The following SNU13 variants were observed in gnomAD, a reference collection of about 807,000 sequenced individuals.
SNU13 encodes the protein NHP2-like protein 1.
Under a neutral mutation model 12.4 loss-of-function variants are expected in SNU13, and 2 were observed. The ratio of observed to expected loss-of-function variants is 0.16; its 90% CI spans 0.07 to 0.51. The LOEUF (loss-of-function observed/expected upper bound fraction) is 0.51. Among genes scored for constraint, SNU13 ranks in the 20% least tolerant of loss-of-function variants. The probability of loss-of-function intolerance (pLI) is 0.96; values close to 1 mark genes in which losing one functional copy is unlikely to be tolerated. For missense variants in SNU13, 66 were observed against 157.8 expected, an observed-to-expected ratio of 0.42 and a Z score of 3.12; for synonymous variants, 68 against 66.5, an observed-to-expected ratio of 1.02 and a Z score of -0.11.
chr22:41,688,489 G>A (rs2068330608), intron 1 of SNU13, among the ~76,000 whole-genome samples: 1 of 152,160 alleles, frequency 6.6e-6, no homozygotes, highest in Non-Finnish European at 1.5e-5. Context: ...TCTCCCACGT[G>A]GGTTGGTCTC....
At chr22:41,676,908 C>A (rs1807497) in intron 2 of SNU13, among the ~76,000 whole-genome samples, 121,849 of 151,964 alleles carry the variant, frequency 0.8, 49,845 homozygotes, top group East Asian at 0.92. Context: ...ATCAGTCTCC[C>A]TTTTCATGTC....
At chr22:41,688,972 G>T, upstream of SNU13, 1 of 1,351,992 alleles carries the variant, frequency 7.4e-7, no homozygotes. Flanking sequence ...CACTGGCGCG[G>T]AAACTGGCCC....
Position 41,674,945 on chromosome 22 carries a change from C to G in SNU13, c.375G>C (p.Arg125Ser). 1 of 1,613,552 alleles carries G rather than the reference C, an allele frequency of 6.2e-7. No individual in the cohort carries two copies. The highest frequency in any genetic ancestry group is 8.5e-7 in the Non-Finnish European group (1 of 1,179,824). ...AGAGGCCACAGGTTTAGACTAAGAG[C>G]CTTTCAATGGACTGCTGAATGGATT... ...QIQSIQQSIE[R>S]LLV The change falls in exon 3 of 3, where the codon AGG becomes AGC. Residue 125 changes from arginine to serine, a missense_variant. By Grantham distance (110) the Arg-to-Ser change is moderately radical (BLOSUM62 -1). Coordinates refer to ENST00000401959, the MANE Select transcript of SNU13 (RefSeq NM_001003796.2).
intron 2 of SNU13, among the ~76,000 whole-genome samples, chr22:41,678,320 C>T (rs1334106724): frequency 1.3e-5 from 2 of 152,114 alleles, no homozygotes; most frequent in South Asian, 2.1e-4. Context: ...ATGTCTTTCT[C>T]CACTGGAATG....
intron 2 of SNU13, among the ~76,000 whole-genome samples, chr22:41,676,229 T>A (rs1226198054): frequency 2.0e-5 from 3 of 152,234 alleles, no homozygotes; most frequent in African/African-American, 7.2e-5. Context: ...AGAAAGCTGA[T>A]CCCACATGCG....
chr22:41,680,416 C>T, intron 1 of SNU13, 52 bp from the exon 2 acceptor site: 1 of 1,579,400 alleles, frequency 6.3e-7, no homozygotes, highest in Non-Finnish European at 8.6e-7. Flanking sequence ...AGTTTTCCTA[C>T]CTGAGTCACA....
Position 41,674,991 on chromosome 22 carries a change from G to A in SNU13, c.329C>T (p.Ser110Leu), listed in dbSNP as rs2068198827. ...IACSVTIKEG[S>L]QLKQQIQSIQ... ...GGATTGGATCTGCTGTTTCAGCTGC[G>A]AGCCTTCTTTGATGGTGACAGAACA... Residue 110 changes from serine (S) to leucine (L), a missense_variant, in exon 3 of 3, where the codon TCG becomes TTG. Transcript: ENST00000401959. 3 of 1,613,984 alleles carry A rather than the reference G, an allele frequency of 1.9e-6. No individual in the cohort carries two copies. The highest frequency in any genetic ancestry group is 1.3e-5 in the African/African-American group (1 of 74,912).
At chr22:41,676,479 A>G (rs974633619) in intron 2 of SNU13, among the ~76,000 whole-genome samples, 2 of 151,990 alleles carry the variant, frequency 1.3e-5, no homozygotes, top group Admixed American at 6.6e-5. Flanking sequence ...ATTCTACCTA[A>G]CAGGATTCTA....
intron 1 of SNU13, among the ~76,000 whole-genome samples, chr22:41,682,077 G>C (rs1364764283): frequency 5.9e-5 from 9 of 151,764 alleles, no homozygotes; most frequent in Admixed American, 5.9e-4. Context: ...TGTCGCCATC[G>C]TGTGTAACGT....
At chr22:41,683,321 C>G (rs1156450633) in intron 1 of SNU13, among the ~76,000 whole-genome samples, 1 of 152,036 alleles carries the variant, frequency 6.6e-6, no homozygotes, top group African/African-American at 2.4e-5. Flanking sequence ...ATTAATCTTT[C>G]TGAGGGGGAC....
At chr22:41,681,667 T>C (rs2068264573) in intron 1 of SNU13, 1 of 152,488 alleles carries the variant, frequency 6.6e-6, no homozygotes, top group African/African-American at 2.4e-5. Context: ...TTTATAGATA[T>C]ATACTGTAAT....
chr22:41,688,805 T>C lies in SNU13; in HGVS notation c.-9A>G, dbSNP rs1601578699. Reference sequence around the variant, plus strand: ...GCGCACGCACTCACCATGGCTGCGGTTCCGCGGGCTCAGCACTCCTAGGGG... The same window carrying C: ...GCGCACGCACTCACCATGGCTGCGGCTCCGCGGGCTCAGCACTCCTAGGGG... On this transcript the variant is annotated 5_prime_UTR_variant, in exon 1 of 3. Transcript: ENST00000401959. 6.2e-7 allele frequency: 1 copy of C among 1,600,394 alleles called. No individual in the cohort carries two copies. The highest frequency in any genetic ancestry group is 8.5e-7 in the Non-Finnish European group (1 of 1,170,440).
chr22:41,676,317 T>G (rs989506667), intron 2 of SNU13, among the ~76,000 whole-genome samples: 1 of 152,102 alleles, frequency 6.6e-6, no homozygotes, highest in Non-Finnish European at 1.5e-5. Flanking sequence ...TGTGGCTCAG[T>G]GCGAATACTC....
rs2068250027 is a variant in SNU13 at position 41,680,151 on chromosome 22, T to C, written c.124+93A>G. On this transcript the variant is annotated intron_variant, in intron 2 of 2. Transcript: ENST00000401959. Reference sequence around the variant, plus strand: ...CCCACTGGTTGTAGTCGAGAGCAGCTAGCCCTCCTCCCAAACTGGAAATCA... The same window carrying C: ...CCCACTGGTTGTAGTCGAGAGCAGCCAGCCCTCCTCCCAAACTGGAAATCA... 44 of 1,439,438 alleles carry C rather than the reference T, an allele frequency of 3.1e-5. No individual in the cohort carries two copies. In the South Asian group the frequency reaches 5.2e-4, roughly 17 times the overall value. The allele number at this position is 1,439,438 out of a possible 1,614,324, so 89.2% of individuals were successfully genotyped here.
At chr22:41,680,156 C>A in intron 2 of SNU13, 88 bp downstream of exon 2, 1 of 1,461,050 alleles carries the variant, frequency 6.8e-7, no homozygotes, top group South Asian at 1.5e-5. Flanking sequence ...GCAGCTAGCC[C>A]TCCTCCCAAA....
intron 1 of SNU13, among the ~76,000 whole-genome samples, chr22:41,681,041 A>C (rs889549099): frequency 1.3e-5 from 2 of 152,222 alleles, no homozygotes; most frequent in African/African-American, 4.8e-5. Context: ...TTACTGAATC[A>C]ATAAGATATA....
chr22:41,675,334 A>G (rs2068202699), intron 2 of SNU13, 139 bp from the exon 3 acceptor site: 5 of 1,052,972 alleles, frequency 4.7e-6, no homozygotes, highest in Admixed American at 4.6e-5. Flanking sequence ...TTCAAACACC[A>G]GTCAGTCATA....
intron 1 of SNU13, 31 bp downstream of exon 1, chr22:41,688,763 T>C: frequency 6.3e-7 from 1 of 1,598,788 alleles, no homozygotes; most frequent in Non-Finnish European, 8.6e-7. Context: ...GTCTCCCGCT[T>C]CCCGGTCCCT....
chr22:41,684,006 A>G (rs2068288579), intron 1 of SNU13, among the ~76,000 whole-genome samples: 1 of 152,034 alleles, frequency 6.6e-6, no homozygotes, highest in South Asian at 2.1e-4. Flanking sequence ...GGGTTCAAGC[A>G]ATTCTCCTAC....
Sources: allele counts gnomAD v4.1 joint callset (sites outside exome capture counted in the v4.1 genomes callset), GRCh38; gene constraint gnomAD v4.1.1; transcripts MANE v1.5; gene names NCBI Gene and HGNC (gene_info 2026-07-23, HGNC 2026-07-21).